The following TLK1 variants were observed in gnomAD, a reference collection of about 807,000 sequenced individuals.
TLK1 encodes serine/threonine-protein kinase tousled-like 1.
TLK1 carries 24 observed loss-of-function variants against 105.3 expected under a neutral mutation model. That is an observed-to-expected ratio of 0.23 (90% CI 0.17 to 0.32). The LOEUF is 0.32. Among genes scored for constraint, TLK1 ranks in the 10% least tolerant of loss-of-function variants. TLK1 has a pLI of 1.00. For synonymous variants in TLK1, 321 were observed against 310.4 expected, an observed-to-expected ratio of 1.03 and a Z score of -0.36; for missense variants, 558 against 910.5, an observed-to-expected ratio of 0.61 and a Z score of 4.98.
intron 14 of TLK1, among the ~76,000 whole-genome samples, chr2:171,009,033 A>T (rs900570751): frequency 6.6e-6 from 1 of 152,190 alleles, no homozygotes. Flanking sequence ...TACTTCACCC[A>T]TTAAGTGCTT....
intron 1 of TLK1, among the ~76,000 whole-genome samples, chr2:171,212,335 A>G (rs1246446730): frequency 2.4e-5 from 3 of 126,552 alleles, no homozygotes; most frequent in East Asian, 5.3e-4. Context: ...ACTCCCTGTT[A>G]TGCTGCCTTT....
chr2:171,058,126 T>G, intron 5 of TLK1, 25 bp downstream of exon 5: 1 of 1,612,386 alleles, frequency 6.2e-7, no homozygotes, highest in South Asian at 1.1e-5. Flanking sequence ...AATTAGGAAA[T>G]GGAGACAATC....
At chr2:171,035,150 G>A (rs1686261939) in intron 11 of TLK1, among the ~76,000 whole-genome samples, 1 of 152,234 alleles carries the variant, frequency 6.6e-6, no homozygotes, top group Admixed American at 6.5e-5. Flanking sequence ...AGACCAACCT[G>A]CCCAACATGG....
chr2:171,228,286 A>G (rs866087533), intron 1 of TLK1, among the ~76,000 whole-genome samples: 2 of 152,310 alleles, frequency 1.3e-5, no homozygotes, highest in South Asian at 2.1e-4. Flanking sequence ...ACAACCTGTT[A>G]GGCATGCCTG....
intron 1 of TLK1, chr2:171,155,753 T>C (rs186601544): frequency 3.9e-4 from 59 of 152,280 alleles, no homozygotes; most frequent in Admixed American, 3.9e-3. Flanking sequence ...GCGAGTTCCA[T>C]TGTTGCTCCA....
chr2:171,085,548 A>T (rs1479240769), intron 2 of TLK1, among the ~76,000 whole-genome samples: 1 of 152,226 alleles, frequency 6.6e-6, no homozygotes, highest in Non-Finnish European at 1.5e-5. Context: ...CATCAAAGGC[A>T]AACACTTTAT....
At chr2:171,090,283 TTTG>T (rs1383686239) in intron 2 of TLK1, among the ~76,000 whole-genome samples, 1 of 152,188 alleles carries the variant, frequency 6.6e-6, no homozygotes, top group Non-Finnish European at 1.5e-5. Flanking sequence ...TTTCTACTTA[TTTG>T]TTGTTGATAT....
At chr2:171,022,094 C>CACACACAG (rs752355257) in intron 12 of TLK1, among the ~76,000 whole-genome samples, 8,205 of 149,816 alleles carry the variant, frequency 0.055, 283 homozygotes, top group African/African-American at 0.072. Context: ...AAAACACACA[C>CACACACAG]ACACACACAC....
At chr2:171,059,939 C>T in intron 4 of TLK1, 1 of 1,555,312 alleles carries the variant, frequency 6.4e-7, no homozygotes, top group African/African-American at 1.4e-5. Flanking sequence ...GCTGTACGAC[C>T]CATTTCCCAA....
chr2:171,175,928 T>G (rs1352114934), intron 1 of TLK1, among the ~76,000 whole-genome samples: 3 of 151,870 alleles, frequency 2.0e-5, no homozygotes, highest in Admixed American at 6.6e-5. Context: ...GGTTTTTTTT[T>G]TGTTTTTGTT....
intron 3 of TLK1, among the ~76,000 whole-genome samples, chr2:171,066,173 T>C (rs1364180055): frequency 6.6e-6 from 1 of 152,328 alleles, no homozygotes; most frequent in African/African-American, 2.4e-5. Flanking sequence ...ACTTGAACCT[T>C]TGACCTCTAA....
intron 1 of TLK1, among the ~76,000 whole-genome samples, chr2:171,183,605 G>A (rs1383099940): frequency 1.3e-5 from 2 of 152,026 alleles, no homozygotes; most frequent in Admixed American, 1.3e-4. Flanking sequence ...CTTCTAGTCT[G>A]GTGCTTGCCT....
At chr2:171,196,308 A>G (rs1177562314) in intron 1 of TLK1, among the ~76,000 whole-genome samples, 4 of 151,944 alleles carry the variant, frequency 2.6e-5, no homozygotes, top group African/African-American at 7.3e-5. Context: ...ATAGAGATGG[A>G]GTTTCACCAT....
At chr2:171,224,486 T>A (rs1425805592) in intron 1 of TLK1, among the ~76,000 whole-genome samples, 1 of 152,168 alleles carries the variant, frequency 6.6e-6, no homozygotes, top group East Asian at 1.9e-4. Context: ...TGATAGGGAT[T>A]GCATTGAAAC....
chr2:171,109,307 A>G (rs994393607), intron 2 of TLK1, among the ~76,000 whole-genome samples: 1 of 152,232 alleles, frequency 6.6e-6, no homozygotes, highest in African/African-American at 2.4e-5. Flanking sequence ...CCACAACAAA[A>G]AGATAGCTCA....
chr2:171,187,842 A>G (rs1693064060), intron 1 of TLK1, among the ~76,000 whole-genome samples: 1 of 152,184 alleles, frequency 6.6e-6, no homozygotes, highest in Admixed American at 6.6e-5. Context: ...ATATTTATTG[A>G]ATGAATGAAT....
intron 2 of TLK1, among the ~76,000 whole-genome samples, chr2:171,101,115 AG>A (rs1322763201): frequency 1.3e-5 from 2 of 152,098 alleles, no homozygotes; most frequent in Admixed American, 1.3e-4. Context: ...TGGGAGGCCA[AG>A]GAGGGTGGAT....
chr2:171,115,013 T>A (rs973624223), intron 2 of TLK1, among the ~76,000 whole-genome samples: 1 of 152,184 alleles, frequency 6.6e-6, no homozygotes, highest in African/African-American at 2.4e-5. Flanking sequence ...CTCCTAAGTT[T>A]ACTTAGTTTG....
rs1045263682 is a variant in TLK1 at position 171,076,674 on chromosome 2, C to T, written c.330+6107G>A. ...CAGCACTTTGGGAGGCCGAGGCGGGCGGATCACAAGGTCAGGAGATCAAGA... is the reference window on the plus strand; with the variant it reads ...CAGCACTTTGGGAGGCCGAGGCGGGTGGATCACAAGGTCAGGAGATCAAGA... On this transcript the variant is annotated intron_variant, in intron 3 of 20. Coordinates refer to ENST00000431350, the MANE Select transcript of TLK1 (RefSeq NM_012290.5). Among the ~76,000 whole-genome samples, 8 of 148,754 alleles carry T rather than the reference C, an allele frequency of 5.4e-5. No homozygotes were observed. In the East Asian group the frequency reaches 8.0e-4, roughly 15 times the overall value.
Sources: allele counts gnomAD v4.1 joint callset (sites outside exome capture counted in the v4.1 genomes callset), GRCh38; gene constraint gnomAD v4.1.1; transcripts MANE v1.5; gene names NCBI Gene and HGNC (gene_info 2026-07-23, HGNC 2026-07-21).